The following CDH13 variants were observed in gnomAD, a reference collection of about 807,000 sequenced individuals.
CDH13 encodes the protein cadherin 13.
Under a neutral mutation model 63.8 loss-of-function variants are expected in CDH13, and 24 were observed. That is an observed-to-expected ratio of 0.38 (90% CI 0.27 to 0.53). The LOEUF is 0.53. Among genes scored for constraint, CDH13 ranks in the 20% least tolerant of loss-of-function variants. The pLI is 0.85. For missense variants in CDH13, 1,049 were observed against 903.1 expected, an observed-to-expected ratio of 1.16 and a Z score of -2.07; for synonymous variants, 503 against 355.3, an observed-to-expected ratio of 1.42 and a Z score of -4.67.
chr16:82,764,812 ATTCT>A (rs2034989029), intron 1 of CDH13, among the ~76,000 whole-genome samples: 1 of 145,304 alleles, frequency 6.9e-6, no homozygotes, highest in Non-Finnish European at 1.5e-5. Context: ...CATTTCATTC[ATTCT>A]TTTTTTTTTT....
intron 10 of CDH13, among the ~76,000 whole-genome samples, chr16:83,710,905 T>C (rs1312694690): frequency 2.0e-5 from 3 of 152,164 alleles, no homozygotes; most frequent in African/African-American, 7.2e-5. Context: ...TCGATCATCG[T>C]TGTGTAGCAT....
chr16:83,570,063 A>G (rs1904431201), intron 7 of CDH13, among the ~76,000 whole-genome samples: 1 of 152,176 alleles, frequency 6.6e-6, no homozygotes, highest in East Asian at 1.9e-4. Context: ...ACTGATCATC[A>G]TCCATTCCCT....
chr16:83,245,164 TCAAC>T (rs1001035347), intron 5 of CDH13, among the ~76,000 whole-genome samples: 1 of 151,802 alleles, frequency 6.6e-6, no homozygotes, highest in Non-Finnish European at 1.5e-5. Flanking sequence ...AAAACCTTAA[TCAAC>T]CAATTTTAAG....
At chr16:82,812,835 CTTCCTCCCTTCT>C (rs79183214) in intron 1 of CDH13, among the ~76,000 whole-genome samples, 29,034 of 150,460 alleles carry the variant, frequency 0.19, 3,258 homozygotes, top group African/African-American at 0.32. Flanking sequence ...TCCTCCCTTC[CTTCCTCCCTTCT>C]TTCCTCCCTT....
intron 5 of CDH13, among the ~76,000 whole-genome samples, chr16:83,300,309 G>T (rs2089703459): frequency 6.6e-6 from 1 of 152,240 alleles, no homozygotes. Flanking sequence ...TAAGTTGAGT[G>T]ACATGAAGAG....
chr16:83,448,364 G>A (rs535965413), intron 6 of CDH13, among the ~76,000 whole-genome samples: 3 of 152,124 alleles, frequency 2.0e-5, no homozygotes, highest in African/African-American at 7.2e-5. Context: ...ACTTCAGCTT[G>A]GAGGGAGAAA....
intron 5 of CDH13, among the ~76,000 whole-genome samples, chr16:83,293,407 A>G (rs1439128301): frequency 6.6e-6 from 1 of 152,204 alleles, no homozygotes; most frequent in Non-Finnish European, 1.5e-5. Context: ...CAGCCTTGCC[A>G]CCGGAAGAAA....
At position 83,177,524 on chromosome 16, in the gene CDH13, A is replaced by G. The variant is rs1689293900; in HGVS notation, c.484-39821A>G. On this transcript the variant is annotated intron_variant, in intron 4 of 13. Coordinates refer to ENST00000567109, the MANE Select transcript of CDH13 (RefSeq NM_001257.5). ...ATCTTGTAAGTTGGAGATTGTGATG[A>G]TAATAGTACCTGTCCCTTAGTATTG... is the stretch of plus-strand genomic sequence containing the variant. 2.0e-5 allele frequency among the ~76,000 whole-genome samples: 3 copies of G among 152,234 alleles called. No homozygotes were observed. In the South Asian group the frequency reaches 6.2e-4, roughly 32 times the overall value.
intron 1 of CDH13, among the ~76,000 whole-genome samples, chr16:82,757,863 A>T (rs530930883): frequency 6.6e-6 from 1 of 152,008 alleles, no homozygotes; most frequent in Non-Finnish European, 1.5e-5. Flanking sequence ...GTTACACAAG[A>T]TGGTCTCGAT....
chr16:82,932,092 G>C (rs1172277538), intron 2 of CDH13, among the ~76,000 whole-genome samples: 1 of 152,130 alleles, frequency 6.6e-6, no homozygotes, highest in Non-Finnish European at 1.5e-5. Context: ...TAGGACAGTT[G>C]TGGATTTACT....
chr16:82,756,878 G>T (rs992433720), intron 1 of CDH13, among the ~76,000 whole-genome samples: 10 of 152,156 alleles, frequency 6.6e-5, no homozygotes, highest in African/African-American at 2.4e-4. Flanking sequence ...CTTTCCACTA[G>T]TTTATATTAT....
intron 5 of CDH13, among the ~76,000 whole-genome samples, chr16:83,227,221 A>T (rs947388414): frequency 6.6e-6 from 1 of 152,220 alleles, no homozygotes; most frequent in African/African-American, 2.4e-5. Flanking sequence ...AGGATTACAC[A>T]GTTGGAAAGA....
At position 83,759,855 on chromosome 16, in the gene CDH13, G is replaced by A. The variant is rs147659359; in HGVS notation, c.1681+11605G>A. On this transcript the variant is annotated intron_variant, in intron 11 of 13. Coordinates refer to ENST00000567109, the MANE Select transcript of CDH13 (RefSeq NM_001257.5). The stretch of plus-strand genomic sequence containing the variant: ...AGGCAGGACGATCACTTGAGCCCAG[G>A]AGTTCAAGGCTGCAGTGAGCCATGA... Among the ~76,000 whole-genome samples, 497 of 151,826 alleles carry A rather than the reference G, an allele frequency of 3.3e-3. 2 individuals carry two copies. Among genetic ancestry groups the A allele is most frequent in the African/African-American group, 0.012 (481 of 41,454 alleles).
At chr16:83,418,368 C>A (rs145887562) in intron 6 of CDH13, among the ~76,000 whole-genome samples, 2 of 151,980 alleles carry the variant, frequency 1.3e-5, no homozygotes, top group African/African-American at 4.8e-5. Context: ...AATTATAATA[C>A]CCATAGGAAG....
At chr16:82,781,625 C>T (rs2035758367) in intron 1 of CDH13, among the ~76,000 whole-genome samples, 1 of 152,152 alleles carries the variant, frequency 6.6e-6, no homozygotes, top group Non-Finnish European at 1.5e-5. Flanking sequence ...TCTACCCATC[C>T]ATTCAGCTAT....
At chr16:83,286,743 G>A (rs1189213020) in intron 5 of CDH13, among the ~76,000 whole-genome samples, 7 of 135,002 alleles carry the variant, frequency 5.2e-5, no homozygotes, top group African/African-American at 1.4e-4. Context: ...GCAACAAAGT[G>A]CGACTCTGTC....
intron 7 of CDH13, among the ~76,000 whole-genome samples, chr16:83,538,072 T>C (rs941820756): frequency 6.6e-6 from 1 of 152,202 alleles, no homozygotes; most frequent in Non-Finnish European, 1.5e-5. Flanking sequence ...AAGTTGAATA[T>C]GCGCTATGTT....
chr16:83,427,376 G>A (rs1395738235), intron 6 of CDH13, among the ~76,000 whole-genome samples: 2 of 152,032 alleles, frequency 1.3e-5, no homozygotes, highest in Non-Finnish European at 2.9e-5. Context: ...GTGGCAATGG[G>A]GACAGCAGTT....
At chr16:83,433,865 C>G (rs2072203617) in intron 6 of CDH13, among the ~76,000 whole-genome samples, 1 of 151,364 alleles carries the variant, frequency 6.6e-6, no homozygotes, top group African/African-American at 2.4e-5. Context: ...ATTTTTTTTT[C>G]CTCAGTGCAA....
Sources: gnomAD v4.1 joint callset for allele counts (sites outside exome capture counted in the v4.1 genomes callset) on GRCh38, gnomAD v4.1.1 for gene constraint, MANE v1.5 for transcripts, NCBI Gene and HGNC (gene_info 2026-07-23, HGNC 2026-07-21) for gene names.